ATF7: variants seen among roughly 807,000 people sequenced by gnomAD.
ATF7 encodes the protein cyclic AMP-dependent transcription factor ATF-7.
In ATF7, 10 loss-of-function variants were observed where a neutral mutation model predicts 50.4. That is an observed-to-expected ratio of 0.20 (90% CI 0.12 to 0.34). The LOEUF (loss-of-function observed/expected upper bound fraction) is 0.34, where lower values mean the gene tolerates loss of function less well. Among genes scored for constraint, ATF7 ranks in the 10% least tolerant of loss-of-function variants. The pLI is 1.00. For missense variants in ATF7, 465 were observed against 613.9 expected, an observed-to-expected ratio of 0.76 and a Z score of 2.56; for synonymous variants, 201 against 226.4, an observed-to-expected ratio of 0.89 and a Z score of 1.01.
intron 2 of ATF7, among the ~76,000 whole-genome samples, chr12:53,594,942 G>T (rs1943092275): frequency 6.6e-6 from 1 of 151,134 alleles, no homozygotes; most frequent in Admixed American, 6.6e-5. Flanking sequence ...TATATGATAC[G>T]TAAGAGCGGT....
chr12:53,585,365 G>A (rs1942627722), intron 2 of ATF7, among the ~76,000 whole-genome samples: 1 of 152,110 alleles, frequency 6.6e-6, no homozygotes, highest in African/African-American at 2.4e-5. Flanking sequence ...ATATGTCAAT[G>A]CAGGTTCATT....
rs1159723544 is a variant in ATF7, at chr12:53,531,958, G to A, written c.775-62C>T. 5 of 1,579,166 alleles carry A rather than the reference G, an allele frequency of 3.2e-6. No individual in the cohort carries two copies. In the African/African-American group the frequency reaches 6.8e-5, roughly 21 times the overall value. ...TCAGATTCTATCAAGGATGAGAAGA[G>A]TGGCCTTAGATTTTATTATTGACCT... is the stretch of plus-strand genomic sequence containing the variant. On this transcript the variant is annotated intron_variant, in intron 8 of 11. Transcript: ENST00000420353.
chr12:53,605,062 T>C (rs1346828857), intron 1 of ATF7, among the ~76,000 whole-genome samples: 1 of 152,006 alleles, frequency 6.6e-6, no homozygotes, highest in African/African-American at 2.4e-5. Flanking sequence ...AACTCCAGAT[T>C]ATAAAAAAGA....
At chr12:53,527,425 G>A (rs1321852347) in intron 9 of ATF7, among the ~76,000 whole-genome samples, 1 of 151,838 alleles carries the variant, frequency 6.6e-6, no homozygotes, top group Non-Finnish European at 1.5e-5. Context: ...GAGGCTGCAA[G>A]TGAGCCATGA....
intron 4 of ATF7, among the ~76,000 whole-genome samples, chr12:53,539,768 T>C (rs979908514): frequency 7.3e-5 from 11 of 151,046 alleles, no homozygotes; most frequent in Non-Finnish European, 1.3e-4. Context: ...AGTTCTGCCA[T>C]TTGAAAGCAG....
At chr12:53,539,369 C>T (rs932210475) in intron 4 of ATF7, among the ~76,000 whole-genome samples, 2 of 151,678 alleles carry the variant, frequency 1.3e-5, no homozygotes, top group Non-Finnish European at 2.9e-5. Context: ...ACCTGAGGCC[C>T]GAAATTCTAG....
chr12:53,622,076 G>A (rs1018130025), intron 1 of ATF7, among the ~76,000 whole-genome samples: 4 of 151,112 alleles, frequency 2.6e-5, no homozygotes, highest in Non-Finnish European at 5.9e-5. Context: ...CGAGGTAGGC[G>A]GATCACTTGA....
chr12:53,610,750 T>C (rs890366517), intron 1 of ATF7, among the ~76,000 whole-genome samples: 1 of 152,122 alleles, frequency 6.6e-6, no homozygotes, highest in Non-Finnish European at 1.5e-5. Context: ...TCCCGAAACA[T>C]GAATTTGAGG....
downstream of ATF7, among the ~76,000 whole-genome samples, chr12:53,510,001 C>T (rs777981479): frequency 6.0e-4 from 91 of 151,970 alleles, 2 homozygotes; most frequent in Non-Finnish European, 4.4e-5. Context: ...GTCCCAACCA[C>T]AAAACCTGAC....
At chr12:53,577,471 C>T (rs7970047) in intron 2 of ATF7, among the ~76,000 whole-genome samples, 65,864 of 151,606 alleles carry the variant, frequency 0.43, 14,608 homozygotes, top group East Asian at 0.74. Context: ...AATCCCAGCA[C>T]TTTGGGAGGC....
At chr12:53,554,800 T>C (rs181735388) in intron 2 of ATF7, among the ~76,000 whole-genome samples, 277 of 139,252 alleles carry the variant, frequency 2.0e-3, no homozygotes, top group African/African-American at 7.3e-3. Context: ...GAGGTGGAGT[T>C]TGCAGTGAGC....
At chr12:53,517,755 G>T in intron 11 of ATF7, 1 of 190,346 alleles carries the variant, frequency 5.3e-6, no homozygotes, top group African/African-American at 2.3e-5. Context: ...TTATAGGCAT[G>T]AGCCACTGCG....
intron 5 of ATF7, among the ~76,000 whole-genome samples, chr12:53,536,149 A>C (rs1017187489): frequency 6.6e-6 from 1 of 152,144 alleles, no homozygotes. Flanking sequence ...TGCTATCCTG[A>C]GTTCTATCAT....
chr12:53,595,767 T>G (rs1943125977), intron 2 of ATF7, among the ~76,000 whole-genome samples: 1 of 152,140 alleles, frequency 6.6e-6, no homozygotes, highest in Admixed American at 6.5e-5. Context: ...CCATCACAAC[T>G]AGGGCTCCAT....
At chr12:53,529,710 T>TACAC (rs796404325) in intron 9 of ATF7, among the ~76,000 whole-genome samples, 35 of 132,230 alleles carry the variant, frequency 2.6e-4, no homozygotes, top group Middle Eastern at 7.5e-3. Context: ...TATATACACA[T>TACAC]ACACACACAC....
At chr12:53,614,816 C>T (rs778216587) in intron 1 of ATF7, among the ~76,000 whole-genome samples, 16 of 152,232 alleles carry the variant, frequency 1.1e-4, no homozygotes, top group Non-Finnish European at 1.9e-4. Context: ...CGTGGTGGCT[C>T]ATGCCTGTAA....
chr12:53,526,354 T>C (rs1337924274), intron 9 of ATF7, among the ~76,000 whole-genome samples: 1 of 151,902 alleles, frequency 6.6e-6, no homozygotes, highest in African/African-American at 2.4e-5. Flanking sequence ...GCGAAGATGA[T>C]GAGGAGGATG....
At chr12:53,553,781 C>T (rs189009406) in intron 2 of ATF7, among the ~76,000 whole-genome samples, 2 of 152,232 alleles carry the variant, frequency 1.3e-5, no homozygotes, top group Admixed American at 6.5e-5. Flanking sequence ...ATTGGTTAGT[C>T]GTCTCTTTTT....
intron 2 of ATF7, among the ~76,000 whole-genome samples, chr12:53,595,567 AG>A (rs1943118748): frequency 6.6e-6 from 1 of 152,196 alleles, no homozygotes; most frequent in Non-Finnish European, 1.5e-5. Flanking sequence ...CAATCATAGG[AG>A]CTATTTGTTG....
Sources: allele counts gnomAD v4.1 joint callset (sites outside exome capture counted in the v4.1 genomes callset), GRCh38; gene constraint gnomAD v4.1.1; transcripts MANE v1.5; gene names NCBI Gene and HGNC (gene_info 2026-07-23, HGNC 2026-07-21).